VAV3: variants seen among roughly 807,000 people sequenced by gnomAD.
VAV3 encodes vav guanine nucleotide exchange factor 3.
A neutral mutation model predicts 131.2 loss-of-function variants in VAV3; 94 were observed. The observed-to-expected ratio is 0.72, with a 90% CI of 0.61 to 0.85. The LOEUF is 0.85. Ranked by LOEUF, VAV3 falls within the 40% of genes least tolerant of loss-of-function variation. The pLI, the probability that VAV3 is intolerant of heterozygous loss-of-function variation, is 0.00. For synonymous variants in VAV3, 349 were observed against 342.0 expected, an observed-to-expected ratio of 1.02 and a Z score of -0.22; for missense variants, 939 against 1,002.7, an observed-to-expected ratio of 0.94 and a Z score of 0.86.
At chr1:107,855,278 T>C (rs1007324619) in intron 2 of VAV3, among the ~76,000 whole-genome samples, 5 of 152,090 alleles carry the variant, frequency 3.3e-5, no homozygotes, top group African/African-American at 9.7e-5. Flanking sequence ...ACTCTATTTA[T>C]TTTATTTTAT....
At position 107,707,303 on chromosome 1, in the gene VAV3, G is replaced by A. The variant is rs186844746; in HGVS notation, c.1503-2242C>T. On this transcript the variant is annotated intron_variant, in intron 15 of 26. Transcript: ENST00000370056. ...GAATAAAAAGCATAGGTAAGGACAG[G>A]AATCTGAAACTAGACCACCTGGGCT... Among the ~76,000 whole-genome samples the A allele has an allele frequency of 5.9e-5, 9 of 152,318 alleles. No individual in the cohort carries two copies. The South Asian group carries it at 8.3e-4, about 14-fold the overall frequency.
chr1:107,910,248 C>T (rs369801725), intron 1 of VAV3, among the ~76,000 whole-genome samples: 21 of 152,228 alleles, frequency 1.4e-4, no homozygotes, highest in Middle Eastern at 6.8e-3. Flanking sequence ...TTTCCATACA[C>T]GGATAAGAAC....
intron 1 of VAV3, among the ~76,000 whole-genome samples, chr1:107,940,328 A>T (rs2101262131): frequency 6.6e-6 from 1 of 152,228 alleles, no homozygotes; most frequent in South Asian, 2.1e-4. Flanking sequence ...CACCCACAAT[A>T]TTTAAAAGGA....
intron 25 of VAV3, among the ~76,000 whole-genome samples, chr1:107,574,708 T>C (rs1649490865): frequency 6.6e-6 from 1 of 152,236 alleles, no homozygotes; most frequent in Non-Finnish European, 1.5e-5. Context: ...TTATCACTTC[T>C]GGTTAAGTGG....
At chr1:107,919,775 C>T (rs1037827590) in intron 1 of VAV3, among the ~76,000 whole-genome samples, 1 of 151,858 alleles carries the variant, frequency 6.6e-6, no homozygotes, top group Non-Finnish European at 1.5e-5. Flanking sequence ...AACAGTTAAA[C>T]TATCTTATGA....
At chr1:107,735,037 C>T (rs1301834652) in intron 15 of VAV3, among the ~76,000 whole-genome samples, 1 of 152,196 alleles carries the variant, frequency 6.6e-6, no homozygotes, top group Non-Finnish European at 1.5e-5. Context: ...CAAAGTGGAA[C>T]TCAGGATTAA....
intron 2 of VAV3, among the ~76,000 whole-genome samples, chr1:107,818,364 A>G (rs1667647983): frequency 6.6e-6 from 1 of 151,368 alleles, no homozygotes; most frequent in Non-Finnish European, 1.5e-5. Context: ...CACCCAGTGC[A>G]GTTTTTTTTT....
intron 2 of VAV3, among the ~76,000 whole-genome samples, chr1:107,861,887 AAATT>A (rs1191941283): frequency 1.3e-5 from 2 of 151,624 alleles, no homozygotes; most frequent in African/African-American, 4.8e-5. Context: ...TCTCTGTGCA[AAATT>A]AATTGTGTAT....
At chr1:107,844,547 GC>G (rs1437316777) in intron 2 of VAV3, among the ~76,000 whole-genome samples, 1 of 152,158 alleles carries the variant, frequency 6.6e-6, no homozygotes, top group African/African-American at 2.4e-5. Flanking sequence ...TGCCCATGGA[GC>G]CCCATAAGCT....
intron 1 of VAV3, among the ~76,000 whole-genome samples, chr1:107,893,767 C>T (rs1671431988): frequency 6.6e-6 from 1 of 152,148 alleles, no homozygotes; most frequent in Non-Finnish European, 1.5e-5. Context: ...TATCAGTGTT[C>T]TTCTGACCAA....
At chr1:107,585,458 T>C (rs1473523701) in intron 25 of VAV3, among the ~76,000 whole-genome samples, 1 of 152,170 alleles carries the variant, frequency 6.6e-6, no homozygotes, top group Non-Finnish European at 1.5e-5. Context: ...TGGTTTCCTG[T>C]TTCTTCAAGG....
At chr1:107,731,714 A>T (rs899778359) in intron 15 of VAV3, among the ~76,000 whole-genome samples, 1 of 152,184 alleles carries the variant, frequency 6.6e-6, no homozygotes. Context: ...CCCTCATCAC[A>T]AGAGGCATCC....
intron 2 of VAV3, among the ~76,000 whole-genome samples, chr1:107,810,367 T>C (rs1251385276): frequency 2.0e-5 from 3 of 152,164 alleles, no homozygotes; most frequent in Non-Finnish European, 4.4e-5. Flanking sequence ...AGGAGTTGTA[T>C]GTTTTCTTCT....
At chr1:107,892,839 T>A (rs532849842) in intron 1 of VAV3, among the ~76,000 whole-genome samples, 1 of 152,312 alleles carries the variant, frequency 6.6e-6, no homozygotes, top group South Asian at 2.1e-4. Flanking sequence ...TTGGCCTAGA[T>A]TTCCCCCATC....
chr1:107,641,595 A>G (rs183742476), intron 20 of VAV3, among the ~76,000 whole-genome samples: 2 of 152,346 alleles, frequency 1.3e-5, no homozygotes, highest in East Asian at 3.9e-4. Context: ...CATCATGGGC[A>G]AACATCAACA....
chr1:107,830,384 T>G (rs1005105599), intron 2 of VAV3, among the ~76,000 whole-genome samples: 10 of 151,926 alleles, frequency 6.6e-5, no homozygotes, highest in Non-Finnish European at 1.3e-4. Flanking sequence ...TTTTAAAATT[T>G]TTTGTAGAGA....
At chr1:107,614,400 C>A (rs1023675397) in intron 21 of VAV3, among the ~76,000 whole-genome samples, 1 of 151,944 alleles carries the variant, frequency 6.6e-6, no homozygotes, top group African/African-American at 2.4e-5. Flanking sequence ...AAAAGCAATA[C>A]CATTTTCTAA....
chr1:107,768,729 T>G (rs1297442554), intron 6 of VAV3, among the ~76,000 whole-genome samples: 1 of 152,076 alleles, frequency 6.6e-6, no homozygotes, highest in Non-Finnish European at 1.5e-5. Context: ...ATTTAAAGTA[T>G]AAAATAAAAT....
At chr1:107,801,132 T>C (rs1666811069) in intron 2 of VAV3, among the ~76,000 whole-genome samples, 1 of 152,160 alleles carries the variant, frequency 6.6e-6, no homozygotes, top group African/African-American at 2.4e-5. Context: ...GCTGTAAATG[T>C]GTAGGCTTAT....
Sources: gnomAD v4.1 joint callset for allele counts (sites outside exome capture counted in the v4.1 genomes callset) on GRCh38, gnomAD v4.1.1 for gene constraint, MANE v1.5 for transcripts, NCBI Gene and HGNC (gene_info 2026-07-23, HGNC 2026-07-21) for gene names.